The following PTOV1 variants were observed in gnomAD, a reference collection of about 807,000 sequenced individuals.
PTOV1 encodes prostate tumor-overexpressed gene 1 protein.
In PTOV1, 20 loss-of-function variants were observed where a neutral mutation model predicts 58.0. The ratio of observed to expected loss-of-function variants is 0.34; its 90% CI spans 0.24 to 0.50. PTOV1 has a LOEUF of 0.50. Among genes scored for constraint, PTOV1 ranks in the 20% least tolerant of loss-of-function variants. The pLI, the probability that PTOV1 is intolerant of heterozygous loss-of-function variation, is 0.98. For synonymous variants in PTOV1, 335 were observed against 234.2 expected, an observed-to-expected ratio of 1.43 and a Z score of -3.93; for missense variants, 593 against 565.4, an observed-to-expected ratio of 1.05 and a Z score of -0.50.
chr19:49,853,987 C>T (rs924521836), intron 1 of PTOV1, among the ~76,000 whole-genome samples: 4 of 152,254 alleles, frequency 2.6e-5, no homozygotes, highest in Non-Finnish European at 4.4e-5. Flanking sequence ...GGGACAGACA[C>T]AGCGCAAGCC....
chr19:49,854,081 G>C (rs1446775983), intron 1 of PTOV1, among the ~76,000 whole-genome samples: 1 of 152,238 alleles, frequency 6.6e-6, no homozygotes, highest in Non-Finnish European at 1.5e-5. Context: ...CTTCTAACTT[G>C]GGTCTCAAGA....
At chr19:49,854,445 C>G in exon 2 of PTOV1, 1 of 1,612,082 alleles carries the variant, frequency 6.2e-7, no homozygotes, top group South Asian at 1.1e-5. Flanking sequence ...TCCCATCGGT[C>G]CCTCCTCACC....
exon 8 of PTOV1, chr19:49,857,925 C>A: frequency 1.9e-6 from 3 of 1,613,810 alleles, no homozygotes; most frequent in South Asian, 1.1e-5. Flanking sequence ...GCCCAACAGT[C>A]GGTCCAAGAG....
intron 9 of PTOV1, 86 bp downstream of exon 9, chr19:49,858,200 G>A: frequency 6.7e-7 from 1 of 1,483,814 alleles, no homozygotes. Flanking sequence ...CTCCCCAGGT[G>A]GCCTGAGCTG....
chr19:49,860,268 A>G (rs2074694088), exon 12 of PTOV1: 1 of 1,612,366 alleles, frequency 6.2e-7, no homozygotes, highest in Non-Finnish European at 8.5e-7. Flanking sequence ...CTCGCCGTAG[A>G]TGGGGGGGTA....
chr19:49,854,733 CTG>C lies in PTOV1; in HGVS notation c.392+2_392+3del, dbSNP rs752338633. 9.3e-6 allele frequency: 15 copies of C among 1,613,386 alleles called. No homozygotes were observed. Among genetic ancestry groups the C allele is most frequent in the Non-Finnish European group, 1.1e-5 (13 of 1,179,970 alleles). On this transcript the variant is annotated splice_donor_variant and coding_sequence_variant, in exon 3 of 12. Coordinates refer to ENST00000391842, the Ensembl canonical transcript of PTOV1. LOFTEE classifies it high-confidence loss of function. Reference sequence around the variant, plus strand: ...AGCCTACGTGAACCAAGGCGAGAACCTGTGAGTGCCGGGGCGTGGCAGCCAGG... The same window carrying C: ...AGCCTACGTGAACCAAGGCGAGAACCTGAGTGCCGGGGCGTGGCAGCCAGG...
rs375634367 is a variant in PTOV1, at chr19:49,858,130, C to T, written c.936+16C>T. Reference sequence around the variant, plus strand: ...GCAGCTGCTGGTGAGGGGCTGGGGCCGGGTGCTGGAGCCTGCACGCAGTAG... The same window carrying T: ...GCAGCTGCTGGTGAGGGGCTGGGGCTGGGTGCTGGAGCCTGCACGCAGTAG... On this transcript the variant is annotated intron_variant, in intron 9 of 11. Coordinates refer to ENST00000391842, the Ensembl canonical transcript of PTOV1. 3.3e-5 allele frequency: 53 copies of T among 1,611,436 alleles called. No homozygotes were observed. The highest frequency in any genetic ancestry group is 1.6e-4 in the African/African-American group (12 of 75,028).
chr19:49,857,144 G>A lies in PTOV1; in HGVS notation c.714+14G>A. Reference sequence around the variant, plus strand: ...ACCCGCAAGCAGGTGTGCCAGCCAAGCACAGCCCCTCTGGGGACAGAGGGG... The same window carrying A: ...ACCCGCAAGCAGGTGTGCCAGCCAAACACAGCCCCTCTGGGGACAGAGGGG... On this transcript the variant is annotated intron_variant, in intron 6 of 11. Transcript: ENST00000391842. 1.2e-6 allele frequency: 2 copies of A among 1,613,892 alleles called. No individual in the cohort carries two copies. The highest frequency in any genetic ancestry group is 2.2e-5 in the East Asian group (1 of 44,868).
At chr19:49,850,820 C>A, upstream of PTOV1, 1 of 1,528,264 alleles carries the variant, frequency 6.5e-7, no homozygotes, top group Non-Finnish European at 8.8e-7. Flanking sequence ...TTATTCCGTC[C>A]TCCCCTCTTC....
At chr19:49,852,137 C>G in intron 1 of PTOV1, 1 of 933,902 alleles carries the variant, frequency 1.1e-6, no homozygotes, top group Non-Finnish European at 1.3e-6. Flanking sequence ...GTAAGGTTTA[C>G]CTGGGGCTGT....
At chr19:49,851,177 A>G (rs930037702) in exon 1 of PTOV1, 260 of 1,223,592 alleles carry the variant, frequency 2.1e-4, no homozygotes, top group Middle Eastern at 3.2e-4. Flanking sequence ...GGCCGCGGCG[A>G]CCCCACTCCG....
At chr19:49,858,790 C>T (rs997990856) in intron 10 of PTOV1, 137 bp downstream of exon 10, 7 of 740,814 alleles carry the variant, frequency 9.4e-6, no homozygotes, top group Admixed American at 4.5e-5. Flanking sequence ...CTAGTGTGGG[C>T]GTGACTTCTG....
At chr19:49,856,980 C>T in exon 6 of PTOV1, 3 of 1,612,822 alleles carry the variant, frequency 1.9e-6, no homozygotes, top group Non-Finnish European at 2.5e-6. Context: ...CGCAGGCGGG[C>T]TGCATGCTGT....
At chr19:49,857,464 C>T (rs2074525287) in intron 6 of PTOV1, 1 of 614,884 alleles carries the variant, frequency 1.6e-6, no homozygotes, top group Non-Finnish European at 2.9e-6. Context: ...GAGGCAGACT[C>T]TGCAGGTCCT....
At chr19:49,854,923 G>GCACC in intron 4 of PTOV1, 35 bp downstream of exon 4, 1 of 1,493,808 alleles carries the variant, frequency 6.7e-7, no homozygotes, top group Non-Finnish European at 9.0e-7. Flanking sequence ...TCCACTCTGA[G>GCACC]CACCCCCATG....
chr19:49,857,734 C>A (rs765976938), exon 7 of PTOV1: 6 of 1,614,024 alleles, frequency 3.7e-6, no homozygotes, highest in African/African-American at 1.3e-5. Flanking sequence ...CAGTCCAGAT[C>A]GTCAACAACA....
chr19:49,857,989 G>A lies in PTOV1; in HGVS notation c.878+12G>A. On this transcript the variant is annotated intron_variant, in intron 8 of 11. Coordinates refer to ENST00000391842, the Ensembl canonical transcript of PTOV1. ...CAGGGGGAGATCCTGTGAGTGCTGG[G>A]CTGGGGGGTGGAGGCAGCATCCAGG... is the stretch of plus-strand genomic sequence containing the variant. The A allele has an allele frequency of 6.2e-7, 1 of 1,613,144 alleles. No individual in the cohort carries two copies. Among genetic ancestry groups the A allele is most frequent in the Non-Finnish European group, 8.5e-7 (1 of 1,179,468 alleles).
chr19:49,858,093 G>A (rs776003296), exon 9 of PTOV1: 1 of 1,613,868 alleles, frequency 6.2e-7, no homozygotes, highest in Admixed American at 1.7e-5. Context: ...TGTACATGCA[G>A]CTCATCCCGC....
At chr19:49,855,014 C>G in exon 5 of PTOV1, 3 of 1,601,508 alleles carry the variant, frequency 1.9e-6, no homozygotes, top group Non-Finnish European at 1.7e-6. Flanking sequence ...TGGCACAGTT[C>G]CACTTCACCA....
Sources: allele counts gnomAD v4.1 joint callset (sites outside exome capture counted in the v4.1 genomes callset), GRCh38; gene constraint gnomAD v4.1.1; transcripts MANE v1.5; gene names NCBI Gene and HGNC (gene_info 2026-07-23, HGNC 2026-07-21).